BAIAP2L1: variants seen among roughly 807,000 people sequenced by gnomAD.
BAIAP2L1 encodes the protein BAR/IMD domain-containing adapter protein 2-like 1.
Under a neutral mutation model 66.3 loss-of-function variants are expected in BAIAP2L1, and 35 were observed. That is an observed-to-expected ratio of 0.53 (90% CI 0.40 to 0.70). The LOEUF (loss-of-function observed/expected upper bound fraction) is 0.70, where lower values mean the gene tolerates loss of function less well. Ranked by LOEUF, BAIAP2L1 falls within the 30% of genes least tolerant of loss-of-function variation. The probability of loss-of-function intolerance (pLI) is 0.00; values close to 1 mark genes in which losing one functional copy is unlikely to be tolerated. For missense variants in BAIAP2L1, 622 were observed against 656.9 expected, an observed-to-expected ratio of 0.95 and a Z score of 0.58; for synonymous variants, 269 against 248.7, an observed-to-expected ratio of 1.08 and a Z score of -0.77.
At chr7:98,330,944 T>C (rs1157256485) in intron 3 of BAIAP2L1, among the ~76,000 whole-genome samples, 3 of 152,122 alleles carry the variant, frequency 2.0e-5, no homozygotes, top group Non-Finnish European at 4.4e-5. Context: ...ATGACACAAA[T>C]ACCTCCCACT....
rs527556025 is a variant in BAIAP2L1, at chr7:98,355,726, T to A, written c.128-598A>T. ...CTCTGGGTGACACAGCCAGATATTG[T>A]CTCAAAAATAAATATAAAAAAAGAA... On this transcript the variant is annotated intron_variant, in intron 2 of 13. Transcript: ENST00000005260. Among the ~76,000 whole-genome samples, 4 of 152,098 alleles carry A rather than the reference T, an allele frequency of 2.6e-5. No individual in the cohort carries two copies. The South Asian group carries it at 8.3e-4, about 32-fold the overall frequency.
intron 12 of BAIAP2L1, among the ~76,000 whole-genome samples, chr7:98,303,755 AG>A (rs1452626067): frequency 6.6e-6 from 1 of 152,210 alleles, no homozygotes; most frequent in Non-Finnish European, 1.5e-5. Flanking sequence ...TAGAAGGTTT[AG>A]GGTTAAAGAT....
At chr7:98,361,844 T>C (rs1584485847) in intron 2 of BAIAP2L1, among the ~76,000 whole-genome samples, 1 of 152,064 alleles carries the variant, frequency 6.6e-6, no homozygotes, top group Non-Finnish European at 1.5e-5. Flanking sequence ...CAAGCGATCA[T>C]CCCGCCACAC....
intron 2 of BAIAP2L1, among the ~76,000 whole-genome samples, chr7:98,359,858 C>G (rs752845185): frequency 1.3e-5 from 2 of 150,172 alleles, no homozygotes; most frequent in Non-Finnish European, 3.0e-5. Context: ...CTTCTGGACT[C>G]AAGCAATCCT....
chr7:98,369,760 C>T (rs1364579165), intron 1 of BAIAP2L1, among the ~76,000 whole-genome samples: 1 of 150,198 alleles, frequency 6.7e-6, no homozygotes, highest in Non-Finnish European at 1.5e-5. Flanking sequence ...CAACCTCCAC[C>T]TCCTGGGTTC....
intron 7 of BAIAP2L1, among the ~76,000 whole-genome samples, chr7:98,313,850 GA>G (rs1412312116): frequency 6.6e-6 from 1 of 150,788 alleles, no homozygotes; most frequent in Non-Finnish European, 1.5e-5. Context: ...GGCTGGTCTG[GA>G]ACTCCTGGGC....
chr7:98,323,222 C>T (rs1208888665), intron 3 of BAIAP2L1: 1 of 152,154 alleles, frequency 6.6e-6, no homozygotes, highest in African/African-American at 2.4e-5. Context: ...AGCATAATTC[C>T]ATTAATATGC....
intron 1 of BAIAP2L1, among the ~76,000 whole-genome samples, chr7:98,379,685 CTGG>C (rs1441513353): frequency 6.6e-6 from 1 of 152,146 alleles, no homozygotes; most frequent in African/African-American, 2.4e-5. Context: ...TGTCCATCAA[CTGG>C]TGAATGAACA....
chr7:98,359,657 C>T (rs894818366), intron 2 of BAIAP2L1, among the ~76,000 whole-genome samples: 2 of 152,022 alleles, frequency 1.3e-5, no homozygotes, highest in African/African-American at 2.4e-5. Context: ...GGGCCTCCTC[C>T]CTGTTCCAGG....
At chr7:98,385,505 C>G (rs1161589704) in intron 1 of BAIAP2L1, among the ~76,000 whole-genome samples, 3 of 151,948 alleles carry the variant, frequency 2.0e-5, no homozygotes, top group Non-Finnish European at 2.9e-5. Flanking sequence ...ACTGCAGCCT[C>G]GACCTCCCGG....
intron 1 of BAIAP2L1, among the ~76,000 whole-genome samples, chr7:98,392,753 T>G (rs1163754680): frequency 6.6e-6 from 1 of 152,056 alleles, no homozygotes; most frequent in Admixed American, 6.6e-5. Context: ...CAGCAATAGT[T>G]AGTGTTATCT....
At chr7:98,299,979 T>C (rs1443700529) in intron 12 of BAIAP2L1, among the ~76,000 whole-genome samples, 2 of 152,148 alleles carry the variant, frequency 1.3e-5, no homozygotes, top group Non-Finnish European at 2.9e-5. Flanking sequence ...AAGTGGAGGT[T>C]GCTGTGAACC....
chr7:98,337,252 GA>G (rs1314990378), intron 3 of BAIAP2L1, among the ~76,000 whole-genome samples: 1 of 121,962 alleles, frequency 8.2e-6, no homozygotes, highest in Non-Finnish European at 1.8e-5. Flanking sequence ...TTTTTTTTTT[GA>G]AAGAGTCTCA....
chr7:98,356,585 C>A (rs985449812), intron 2 of BAIAP2L1, among the ~76,000 whole-genome samples: 3 of 150,840 alleles, frequency 2.0e-5, no homozygotes, highest in Middle Eastern at 3.4e-3. Flanking sequence ...CAGCCTTGAC[C>A]TCCTGGGCTC....
At chr7:98,366,764 C>T (rs1247309857) in intron 1 of BAIAP2L1, among the ~76,000 whole-genome samples, 2 of 152,186 alleles carry the variant, frequency 1.3e-5, no homozygotes, top group African/African-American at 2.4e-5. Context: ...CCAGGAAGCC[C>T]CAGAGCCAGC....
intron 1 of BAIAP2L1, among the ~76,000 whole-genome samples, chr7:98,386,744 G>C (rs1293461183): frequency 7.3e-6 from 1 of 137,182 alleles, no homozygotes; most frequent in Non-Finnish European, 1.5e-5. Context: ...TCTGTCGCCA[G>C]GCTGGAGTGC....
At chr7:98,313,481 C>T (rs555513038) in intron 7 of BAIAP2L1, among the ~76,000 whole-genome samples, 1 of 152,048 alleles carries the variant, frequency 6.6e-6, no homozygotes, top group African/African-American at 2.4e-5. Context: ...CTCCAGCCTG[C>T]GACCCTGGTG....
At chr7:98,399,339 G>A (rs911592554) in intron 1 of BAIAP2L1, among the ~76,000 whole-genome samples, 6 of 152,106 alleles carry the variant, frequency 3.9e-5, no homozygotes, top group Non-Finnish European at 8.8e-5. Context: ...AAACGGAACG[G>A]ATCTCTTGGA....
chr7:98,336,496 GTT>G (rs1320708358), intron 3 of BAIAP2L1, among the ~76,000 whole-genome samples: 2 of 152,116 alleles, frequency 1.3e-5, no homozygotes, highest in Non-Finnish European at 2.9e-5. Context: ...GATGGCTGTA[GTT>G]CCAGCTACTT....
Sources: gnomAD v4.1 joint callset for allele counts (sites outside exome capture counted in the v4.1 genomes callset) on GRCh38, gnomAD v4.1.1 for gene constraint, MANE v1.5 for transcripts, NCBI Gene and HGNC (gene_info 2026-07-23, HGNC 2026-07-21) for gene names.